UBE2R2: variants seen among roughly 807,000 people sequenced by gnomAD.
UBE2R2 encodes ubiquitin conjugating enzyme E2 R2.
UBE2R2 carries 1 observed loss-of-function variant against 27.8 expected under a neutral mutation model. The observed-to-expected ratio is 0.04, with a 90% CI of 0.01 to 0.17. The LOEUF is 0.17. UBE2R2 is among the 10% of genes least tolerant of loss of function. UBE2R2 has a pLI of 1.00. For synonymous variants in UBE2R2, 106 were observed against 113.3 expected (o/e 0.94, Z 0.41); for missense variants, 100 against 291.0 (o/e 0.34, Z 4.78).
At chr9:33,914,861 G>T (rs1443968848) in intron 4 of UBE2R2, among the ~76,000 whole-genome samples, 1 of 151,942 alleles carries the variant, frequency 6.6e-6, no homozygotes, top group Non-Finnish European at 1.5e-5. Flanking sequence ...AGTCAGCTGG[G>T]CACAGTGGCT....
At chr9:33,848,033 G>A (rs766736359) in intron 1 of UBE2R2, among the ~76,000 whole-genome samples, 31 of 152,204 alleles carry the variant, frequency 2.0e-4, no homozygotes, top group Middle Eastern at 3.4e-3. Flanking sequence ...GGGATTACAT[G>A]CAGGAGCCAC....
chr9:33,857,223 T>C (rs993638600), intron 1 of UBE2R2, among the ~76,000 whole-genome samples: 1 of 151,662 alleles, frequency 6.6e-6, no homozygotes, highest in African/African-American at 2.4e-5. Flanking sequence ...CTTTTTTTTT[T>C]ATTCCCCTTA....
intron 1 of UBE2R2, among the ~76,000 whole-genome samples, chr9:33,828,174 C>T (rs995246580): frequency 2.9e-4 from 44 of 150,004 alleles, no homozygotes; most frequent in Middle Eastern, 6.8e-3. Context: ...TGGTAGCACG[C>T]GCCTATAATC....
chr9:33,873,971 G>A (rs1821547505), intron 1 of UBE2R2, among the ~76,000 whole-genome samples: 1 of 143,584 alleles, frequency 7.0e-6, no homozygotes, highest in African/African-American at 2.6e-5. Context: ...TTTTTTGGAT[G>A]GAATTTCGTT....
At chr9:33,916,703 C>T (rs1165644568) in intron 4 of UBE2R2, among the ~76,000 whole-genome samples, 3 of 152,178 alleles carry the variant, frequency 2.0e-5, no homozygotes, top group Non-Finnish European at 2.9e-5. Flanking sequence ...CTTAAGTCGC[C>T]GACCTATTGG....
chr9:33,832,538 T>C (rs1256415426), intron 1 of UBE2R2, among the ~76,000 whole-genome samples: 1 of 151,558 alleles, frequency 6.6e-6, no homozygotes, highest in African/African-American at 2.4e-5. Flanking sequence ...GCACCTGTAG[T>C]TCCAGCTACT....
intron 3 of UBE2R2, among the ~76,000 whole-genome samples, chr9:33,908,809 CTACATGAGGCTTTT>C (rs1317377195): frequency 3.3e-5 from 5 of 152,146 alleles, no homozygotes; most frequent in Admixed American, 2.0e-4. Context: ...TAGCCTCTAA[CTACATGAGGCTTTT>C]TACATTTGAA....
rs79464913 is a variant in UBE2R2, at chr9:33,900,170, G to T, written c.265-4G>T. 2 of 1,610,420 alleles carry T rather than the reference G, an allele frequency of 1.2e-6. No individual in the cohort carries two copies. The highest frequency in any genetic ancestry group is 1.7e-6 in the Non-Finnish European group (2 of 1,177,366). On this transcript the variant is annotated splice_region_variant and splice_polypyrimidine_tract_variant and intron_variant, in intron 2 of 4. Coordinates refer to ENST00000263228, the MANE Select transcript of UBE2R2 (RefSeq NM_017811.4). ...TTACTGAATGTAATGTTTGTGTCTT[G>T]TAGAATGGAGATGTATGCATTTCGA...
chr9:33,835,154 T>TTTG (rs1554671403), intron 1 of UBE2R2, among the ~76,000 whole-genome samples: 1 of 149,228 alleles, frequency 6.7e-6, no homozygotes, highest in Non-Finnish European at 1.5e-5. Context: ...GGTTTTTTTT[T>TTTG]TTTTTTTTTT....
chr9:33,834,496 G>A lies in UBE2R2; in HGVS notation c.177+16562G>A, dbSNP rs549163888. Among the ~76,000 whole-genome samples, 12 of 152,174 alleles carry A rather than the reference G, an allele frequency of 7.9e-5. No homozygotes were observed. In the South Asian group the frequency reaches 2.5e-3, roughly 32 times the overall value. ...CAAAGTGTTGGGATTACAGGCGTGA[G>A]CCACACGCCCAGCCTTCCTGGAGCT... is the stretch of plus-strand genomic sequence containing the variant. On this transcript the variant is annotated intron_variant, in intron 1 of 4. Transcript: ENST00000263228.
chr9:33,883,740 A>G (rs1821786517), intron 1 of UBE2R2, among the ~76,000 whole-genome samples: 1 of 151,816 alleles, frequency 6.6e-6, no homozygotes, highest in Admixed American at 6.6e-5. Context: ...AAGAAATAAA[A>G]AAGAATAAGG....
At chr9:33,897,613 T>C (rs1028495462) in intron 2 of UBE2R2, among the ~76,000 whole-genome samples, 2 of 151,124 alleles carry the variant, frequency 1.3e-5, no homozygotes, top group Non-Finnish European at 3.0e-5. Context: ...CCACTGCACC[T>C]GGCCAGAAAA....
chr9:33,916,921 G>C, intron 4 of UBE2R2, 97 bp from the exon 5 acceptor site: 2 of 1,504,446 alleles, frequency 1.3e-6, no homozygotes, highest in Non-Finnish European at 1.8e-6. Flanking sequence ...AGTTTGGAGA[G>C]CTGAGTCATA....
In UBE2R2 at chr9:33,917,060, A is replaced by G. The variant is rs1822663788; in HGVS notation, c.540A>G (p.Gly180=). Reference sequence around the variant, plus strand: ...CTAAGGCCGAAGCAGAAAAGGATGGAGTGAAGGTCCCCACAACCCTGGCGG... The same window carrying G: ...CTAAGGCCGAAGCAGAAAAGGATGGGGTGAAGGTCCCCACAACCCTGGCGG... The part of the protein sequence containing the change: ...SATKAEAEKD[G]VKVPTTLAEY... Residue 180 remains glycine (G), a synonymous_variant, in exon 5 of 5, where the codon GGA becomes GGG. Transcript: ENST00000263228. 1 of 1,614,244 alleles carries G rather than the reference A, an allele frequency of 6.2e-7. No homozygotes were observed. The highest frequency in any genetic ancestry group is 8.5e-7 in the Non-Finnish European group (1 of 1,180,046).
chr9:33,855,436 T>A (rs1821079742), intron 1 of UBE2R2, among the ~76,000 whole-genome samples: 1 of 152,232 alleles, frequency 6.6e-6, no homozygotes, highest in Admixed American at 6.5e-5. Context: ...ATGTACTCTT[T>A]GAGTGATTAA....
At chr9:33,903,830 T>A (rs1204507571) in intron 3 of UBE2R2, among the ~76,000 whole-genome samples, 2 of 152,226 alleles carry the variant, frequency 1.3e-5, no homozygotes, top group African/African-American at 4.8e-5. Context: ...CCTGCTTTTA[T>A]GCTGCTTTGT....
rs529869380 is a variant in UBE2R2 at position 33,908,230 on chromosome 9, A to G, written c.363-3734A>G. Among the ~76,000 whole-genome samples, 164 of 152,338 alleles carry G rather than the reference A, an allele frequency of 1.1e-3. 1 individual carries two copies. The highest frequency in any genetic ancestry group is 3.8e-3 in the African/African-American group (157 of 41,578). On this transcript the variant is annotated intron_variant, in intron 3 of 4. Transcript: ENST00000263228. ...TCCATCCATCTGCCTGAGGAGACCA[A>G]TGCTGTCAGCTTTCCTTATTCTCAC...
intron 3 of UBE2R2, among the ~76,000 whole-genome samples, chr9:33,911,191 C>A (rs1822477563): frequency 6.6e-6 from 1 of 151,664 alleles, no homozygotes; most frequent in Non-Finnish European, 1.5e-5. Flanking sequence ...GGCGGATCAC[C>A]TGAGGTCAGG....
intron 1 of UBE2R2, among the ~76,000 whole-genome samples, chr9:33,849,834 C>T (rs764084909): frequency 3.3e-5 from 5 of 152,060 alleles, no homozygotes; most frequent in Non-Finnish European, 7.4e-5. Context: ...TGCGCTCCAG[C>T]CTGGGCAACA....
Sources: allele counts gnomAD v4.1 joint callset (sites outside exome capture counted in the v4.1 genomes callset), GRCh38; gene constraint gnomAD v4.1.1; transcripts MANE v1.5; gene names NCBI Gene and HGNC (gene_info 2026-07-23, HGNC 2026-07-21).